The following CLVS1 variants were observed in gnomAD, a reference collection of about 807,000 sequenced individuals.
The protein encoded by CLVS1 is clavesin 1, also known as clavesin-1.
A neutral mutation model predicts 33.1 loss-of-function variants in CLVS1; 10 were observed. That is an observed-to-expected ratio of 0.30 (90% confidence interval 0.19 to 0.51). The LOEUF (loss-of-function observed/expected upper bound fraction) is 0.51. Ranked by LOEUF, CLVS1 falls within the 20% of genes least tolerant of loss-of-function variation. The probability of loss-of-function intolerance (pLI) is 0.97; values close to 1 mark genes in which losing one functional copy is unlikely to be tolerated. For synonymous variants in CLVS1, 163 were observed against 166.1 expected, an observed-to-expected ratio of 0.98 and a Z score of 0.14; for missense variants, 343 against 433.4, an observed-to-expected ratio of 0.79 and a Z score of 1.85.
At chr8:61,114,798 A>G (rs1350882258) in intron 1 of CLVS1, among the ~76,000 whole-genome samples, 2 of 152,228 alleles carry the variant, frequency 1.3e-5, no homozygotes, top group Non-Finnish European at 2.9e-5. Context: ...TTTTGTTTCT[A>G]TACTTACATT....
intron 1 of CLVS1, among the ~76,000 whole-genome samples, chr8:61,110,489 A>T (rs1585617080): frequency 6.6e-6 from 1 of 152,200 alleles, no homozygotes; most frequent in East Asian, 1.9e-4. Context: ...GACATTGTGA[A>T]GATCTTTTAA....
chr8:61,041,423 A>G, the CLVS1 span, among the ~76,000 whole-genome samples: 1 of 152,212 alleles, frequency 6.6e-6, no homozygotes, highest in Non-Finnish European at 1.5e-5. Flanking sequence ...TTTGAGCAGT[A>G]TGACCATTTT....
chr8:61,106,098 C>T (rs185615117), intron 1 of CLVS1, among the ~76,000 whole-genome samples: 22 of 152,330 alleles, frequency 1.4e-4, no homozygotes, highest in Admixed American at 9.8e-4. Context: ...GCAGATTCCG[C>T]CACGTCTTCC....
chr8:61,454,210 A>T lies in CLVS1; in HGVS notation c.700A>T (p.Thr234Ser), dbSNP rs1188838747. 2 of 1,614,122 alleles carry T rather than the reference A, an allele frequency of 1.2e-6. No homozygotes were observed. Among genetic ancestry groups the T allele is most frequent in the South Asian group, 2.2e-5 (2 of 91,082 alleles). Residue 234 changes from threonine (T) to serine (S), a missense_variant, in exon 4 of 6, where the codon ACA (threonine) becomes TCA (serine). Physicochemically the swap from Thr to Ser is moderately conservative, Grantham distance 58 (BLOSUM62 1). Coordinates refer to ENST00000325897, the MANE Select transcript of CLVS1 (RefSeq NM_173519.3). ...GCCCTGGTACATTCATGCCCTCTAC[A>T]CACTCATCAAGCCATTTCTTAAAGA... ...NQPWYIHALY[T>S]LIKPFLKDKT... is the part of the protein sequence containing the mutation.
chr8:61,214,919 T>C (rs747436547), intron 2 of CLVS1, among the ~76,000 whole-genome samples: 3 of 152,348 alleles, frequency 2.0e-5, no homozygotes, highest in South Asian at 2.1e-4. Flanking sequence ...ATGGCTCATT[T>C]TGAATACCTC....
At chr8:60,995,962 T>C in the CLVS1 span, among the ~76,000 whole-genome samples, 1 of 151,648 alleles carries the variant, frequency 6.6e-6, no homozygotes, top group African/African-American at 2.4e-5. Context: ...AATTGAACAA[T>C]GAGATCACAT....
chr8:61,224,149 C>T (rs1002662585), intron 2 of CLVS1, among the ~76,000 whole-genome samples: 3 of 152,120 alleles, frequency 2.0e-5, no homozygotes, highest in Non-Finnish European at 4.4e-5. Flanking sequence ...TATTAACCAT[C>T]TTCTAAAGCC....
chr8:61,441,701 G>A (rs1816553326), intron 3 of CLVS1, among the ~76,000 whole-genome samples: 1 of 152,196 alleles, frequency 6.6e-6, no homozygotes, highest in Admixed American at 6.5e-5. Flanking sequence ...TGAAGAGAGA[G>A]AGGGAATACT....
intron 2 of CLVS1, among the ~76,000 whole-genome samples, chr8:61,332,356 A>G (rs1811631267): frequency 6.7e-6 from 1 of 150,286 alleles, no homozygotes; most frequent in African/African-American, 2.5e-5. Flanking sequence ...CCTTCCATGG[A>G]CTCCCCTTGT....
chr8:61,477,044 A>G (rs1366345194), intron 5 of CLVS1, among the ~76,000 whole-genome samples: 1 of 152,154 alleles, frequency 6.6e-6, no homozygotes, highest in Admixed American at 6.5e-5. Context: ...TTCTGCATCT[A>G]TTGAGATAAT....
At chr8:61,407,499 T>G (rs1815037981) in intron 3 of CLVS1, among the ~76,000 whole-genome samples, 1 of 152,216 alleles carries the variant, frequency 6.6e-6, no homozygotes, top group Non-Finnish European at 1.5e-5. Flanking sequence ...ATTTTCACAC[T>G]TATAAAAATG....
At chr8:61,115,332 CTT>C (rs1361000558) in intron 1 of CLVS1, among the ~76,000 whole-genome samples, 3 of 144,566 alleles carry the variant, frequency 2.1e-5, no homozygotes, top group Admixed American at 1.3e-4. Flanking sequence ...AATGGCAACT[CTT>C]ATTTTTTTTA....
chr8:61,162,573 T>C (rs1412407473), intron 2 of CLVS1, among the ~76,000 whole-genome samples: 3 of 152,248 alleles, frequency 2.0e-5, no homozygotes, highest in African/African-American at 7.2e-5. Context: ...TTTCTCTCTT[T>C]CCTATCAAAA....
chr8:61,135,232 A>G (rs939288729), intron 2 of CLVS1, among the ~76,000 whole-genome samples: 1 of 151,954 alleles, frequency 6.6e-6, no homozygotes, highest in African/African-American at 2.4e-5. Context: ...GTGACTACAC[A>G]TGGTGGTGGT....
intron 3 of CLVS1, among the ~76,000 whole-genome samples, chr8:61,431,848 C>T (rs1816126685): frequency 6.6e-6 from 1 of 152,166 alleles, no homozygotes; most frequent in Non-Finnish European, 1.5e-5. Flanking sequence ...TCTGTGTTTT[C>T]CCACATGGTT....
At chr8:61,134,062 T>C (rs1455413200) in intron 2 of CLVS1, among the ~76,000 whole-genome samples, 5 of 152,170 alleles carry the variant, frequency 3.3e-5, no homozygotes, top group Non-Finnish European at 5.9e-5. Flanking sequence ...TTATGAGATG[T>C]TCAGGTGGAG....
chr8:61,029,055 A>G, the CLVS1 span, among the ~76,000 whole-genome samples: 1 of 152,246 alleles, frequency 6.6e-6, no homozygotes, highest in South Asian at 2.1e-4. Flanking sequence ...AATAAACATA[A>G]TAGCTAATGT....
chr8:61,356,236 C>A (rs1441082650), intron 2 of CLVS1, among the ~76,000 whole-genome samples: 1 of 152,034 alleles, frequency 6.6e-6, no homozygotes, highest in Admixed American at 6.6e-5. Flanking sequence ...CTGTTCATAT[C>A]CTTCACCCAG....
chr8:61,453,824 T>A (rs1425216118), intron 3 of CLVS1, among the ~76,000 whole-genome samples: 1 of 152,170 alleles, frequency 6.6e-6, no homozygotes, highest in Non-Finnish European at 1.5e-5. Flanking sequence ...AGAATTCAGA[T>A]TCCCCTCACT....
Sources: allele counts gnomAD v4.1 joint callset (sites outside exome capture counted in the v4.1 genomes callset), GRCh38; gene constraint gnomAD v4.1.1; transcripts MANE v1.5; gene names NCBI Gene and HGNC (gene_info 2026-07-23, HGNC 2026-07-21).